STK3: variants seen among roughly 807,000 people sequenced by gnomAD.
STK3 encodes the protein serine/threonine kinase 3.
A neutral mutation model predicts 58.0 loss-of-function variants in STK3; 41 were observed. That is an observed-to-expected ratio of 0.71 (90% CI 0.55 to 0.92). STK3 has a LOEUF of 0.92. Among genes scored for constraint, STK3 ranks in the 40% least tolerant of loss-of-function variants. STK3 has a pLI of 0.00. For synonymous variants in STK3, 170 were observed against 191.0 expected (o/e 0.89, Z 0.91); for missense variants, 479 against 602.7 (o/e 0.79, Z 2.15).
At chr8:98,887,889 C>T (rs987781500) in intron 1 of STK3, among the ~76,000 whole-genome samples, 3 of 152,212 alleles carry the variant, frequency 2.0e-5, no homozygotes, top group Non-Finnish European at 1.5e-5. Flanking sequence ...GAGGCATTCG[C>T]TGGCCTTTCT....
At chr8:98,649,076 C>T (rs1026342784) in intron 6 of STK3, among the ~76,000 whole-genome samples, 12 of 150,976 alleles carry the variant, frequency 7.9e-5, no homozygotes, top group African/African-American at 2.7e-4. Flanking sequence ...AAAAAAAACT[C>T]AATGTTACTT....
chr8:98,372,572 G>C (rs527633237), intron 2 of STK3, among the ~76,000 whole-genome samples: 3 of 150,700 alleles, frequency 2.0e-5, no homozygotes, highest in Non-Finnish European at 4.4e-5. Context: ...TCTTGGCTCT[G>C]AACATCCTTC....
chr8:98,845,125 ACTTT>A (rs1836155337), intron 3 of STK3, among the ~76,000 whole-genome samples: 1 of 151,948 alleles, frequency 6.6e-6, no homozygotes, highest in African/African-American at 2.4e-5. Context: ...CCCTCTAATA[ACTTT>A]CTTTTTTTAC....
downstream of STK3, among the ~76,000 whole-genome samples, chr8:98,397,114 C>T (rs1472471018): frequency 6.6e-6 from 1 of 152,184 alleles, no homozygotes; most frequent in African/African-American, 2.4e-5. Flanking sequence ...ACCCTTATAA[C>T]CAAACAGTTC....
the STK3 span, among the ~76,000 whole-genome samples, chr8:98,349,419 G>A: frequency 6.6e-6 from 1 of 152,202 alleles, no homozygotes. Flanking sequence ...TGCTTTCACA[G>A]GGTGGTGTTG....
At chr8:98,635,243 T>C (rs755431240) in intron 6 of STK3, among the ~76,000 whole-genome samples, 1 of 152,204 alleles carries the variant, frequency 6.6e-6, no homozygotes, top group Non-Finnish European at 1.5e-5. Context: ...TATGTAACTT[T>C]TGATACATTC....
At chr8:98,361,572 A>G in the STK3 span, among the ~76,000 whole-genome samples, 10 of 152,316 alleles carry the variant, frequency 6.6e-5, no homozygotes, top group African/African-American at 2.2e-4. Flanking sequence ...AAATTGAGCT[A>G]TATTTATGAT....
At chr8:98,753,815 G>T (rs1013701833) in intron 3 of STK3, among the ~76,000 whole-genome samples, 1 of 152,090 alleles carries the variant, frequency 6.6e-6, no homozygotes, top group Non-Finnish European at 1.5e-5. Context: ...ATTCAAACCT[G>T]TTTTATCCCC....
At chr8:98,621,605 G>A (rs181908208) in intron 6 of STK3, among the ~76,000 whole-genome samples, 16 of 152,194 alleles carry the variant, frequency 1.1e-4, no homozygotes, top group East Asian at 1.9e-4. Flanking sequence ...ATTCAATACC[G>A]TAAATGGGTG....
intron 4 of STK3, among the ~76,000 whole-genome samples, chr8:98,712,841 G>C (rs1449230717): frequency 2.0e-5 from 3 of 152,084 alleles, no homozygotes; most frequent in Non-Finnish European, 2.9e-5. Flanking sequence ...ATTCTTTTCA[G>C]CACCACACCA....
At chr8:98,791,317 T>TAG (rs1285932778) in intron 1 of STK3, among the ~76,000 whole-genome samples, 2 of 152,130 alleles carry the variant, frequency 1.3e-5, no homozygotes, top group Non-Finnish European at 2.9e-5. Context: ...AAAGAAATCA[T>TAG]AGATGACACA....
intron 8 of STK3, among the ~76,000 whole-genome samples, chr8:98,565,829 C>T (rs1045419236): frequency 4.6e-5 from 7 of 152,138 alleles, no homozygotes; most frequent in African/African-American, 1.7e-4. Context: ...ATTTAATCAA[C>T]TCATGCTAAA....
the STK3 span, among the ~76,000 whole-genome samples, chr8:98,362,644 T>A: frequency 6.6e-6 from 1 of 152,214 alleles, no homozygotes; most frequent in Non-Finnish European, 1.5e-5. Flanking sequence ...GGGCAAAGGC[T>A]GCTTATGGGA....
chr8:98,910,400 T>C (rs1262493909), intron 1 of STK3, among the ~76,000 whole-genome samples: 3 of 152,236 alleles, frequency 2.0e-5, no homozygotes, highest in Non-Finnish European at 4.4e-5. Context: ...TTCCAGCAGA[T>C]GAGCTCAATA....
intron 6 of STK3, among the ~76,000 whole-genome samples, chr8:98,613,225 TA>T (rs1817338486): frequency 6.6e-6 from 1 of 152,152 alleles, no homozygotes; most frequent in South Asian, 2.1e-4. Flanking sequence ...CCTCTTAAAG[TA>T]ATGTCATAAA....
chr8:98,353,951 T>C, the STK3 span, among the ~76,000 whole-genome samples: 1 of 152,132 alleles, frequency 6.6e-6, no homozygotes. Context: ...ACTCTAGTAA[T>C]ATATTTTTTT....
intron 6 of STK3, among the ~76,000 whole-genome samples, chr8:98,679,945 A>AT (rs1156544270): frequency 6.6e-6 from 1 of 152,210 alleles, no homozygotes; most frequent in East Asian, 1.9e-4. Context: ...TTATGACTTG[A>AT]TTTGGTATAA....
At chr8:98,451,823 T>C (rs537898486), downstream of STK3, among the ~76,000 whole-genome samples, 4 of 151,402 alleles carry the variant, frequency 2.6e-5, no homozygotes, top group Admixed American at 1.3e-4. Context: ...GGTCCCATCA[T>C]GTTGCCCAAA....
intron 9 of STK3, among the ~76,000 whole-genome samples, chr8:98,543,009 G>A (rs1349376461): frequency 4.6e-5 from 7 of 152,148 alleles, no homozygotes; most frequent in African/African-American, 7.2e-5. Context: ...AAAAGCACAC[G>A]CTCACAATAA....
Sources: gnomAD v4.1 joint callset for allele counts (sites outside exome capture counted in the v4.1 genomes callset) on GRCh38, gnomAD v4.1.1 for gene constraint, MANE v1.5 for transcripts, NCBI Gene and HGNC (gene_info 2026-07-23, HGNC 2026-07-21) for gene names.